The following GFRA2 variants were observed in gnomAD, a reference collection of about 807,000 sequenced individuals.
The protein encoded by GFRA2 is GDNF family receptor alpha-2.
Under a neutral mutation model 48.3 loss-of-function variants are expected in GFRA2, and 17 were observed. The observed-to-expected ratio is 0.35, with a 90% CI of 0.24 to 0.53. GFRA2 has a LOEUF of 0.53. Among genes scored for constraint, GFRA2 ranks in the 20% least tolerant of loss-of-function variants. The pLI, the probability that GFRA2 is intolerant of heterozygous loss-of-function variation, is 0.93. For synonymous variants in GFRA2, 305 were observed against 257.2 expected (o/e 1.19, Z -1.78); for missense variants, 660 against 637.3 (o/e 1.04, Z -0.38).
chr8:21,787,862 G>A (rs768248650), intron 1 of GFRA2, among the ~76,000 whole-genome samples: 29 of 152,242 alleles, frequency 1.9e-4, no homozygotes, highest in Non-Finnish European at 3.5e-4. Flanking sequence ...GTGTGTGTGC[G>A]TGCACAGTGT....
intron 4 of GFRA2, among the ~76,000 whole-genome samples, chr8:21,712,333 C>T (rs1490986987): frequency 2.1e-5 from 3 of 140,382 alleles, no homozygotes; most frequent in East Asian, 2.2e-4. Flanking sequence ...CAGACGGGGT[C>T]GCGGCCGGGC....
At chr8:21,789,153 G>A (rs1807438401), upstream of GFRA2, 5 of 167,798 alleles carry the variant, frequency 3.0e-5, no homozygotes, top group Non-Finnish European at 6.2e-5. Context: ...CGCGGGCCGA[G>A]AGGAGAGCCC....
intron 3 of GFRA2, among the ~76,000 whole-genome samples, chr8:21,754,505 C>CTTTTTTTTTTTTTTT (rs59344047): frequency 8.2e-6 from 1 of 121,226 alleles, no homozygotes; most frequent in Non-Finnish European, 1.7e-5. Context: ...CTTTTTTTTT[C>CTTTTTTTTTTTTTTT]TTTTTTTTTT....
At chr8:21,800,606 G>A (rs1422796377) in intron 2 of GFRA2, among the ~76,000 whole-genome samples, 3 of 152,192 alleles carry the variant, frequency 2.0e-5, no homozygotes, top group African/African-American at 4.8e-5. Context: ...CAGATGACTT[G>A]TGTTATGCCC....
chr8:21,698,417 C>G (rs983464567), intron 7 of GFRA2, among the ~76,000 whole-genome samples: 7 of 152,200 alleles, frequency 4.6e-5, no homozygotes, highest in African/African-American at 1.7e-4. Context: ...AGAAGGAAAT[C>G]ATTGTCTTCC....
Position 21,760,731 on chromosome 8 carries a change from C to T in GFRA2, c.440-9789G>A, listed in dbSNP as rs892253032. Among the ~76,000 whole-genome samples, 5 of 152,094 alleles carry T rather than the reference C, an allele frequency of 3.3e-5. No individual in the cohort carries two copies. In the South Asian group the frequency reaches 1.0e-3, roughly 31 times the overall value. ...TACTGGAGGAGGTTGTGGAAAGCCA[C>T]ATAACTCAGTGAGGCGCCACAGGTT... On this transcript the variant is annotated intron_variant, in intron 3 of 8. Transcript: ENST00000524240.
At chr8:21,801,219 C>T (rs895102307) in intron 2 of GFRA2, among the ~76,000 whole-genome samples, 9 of 152,070 alleles carry the variant, frequency 5.9e-5, no homozygotes, top group Non-Finnish European at 1.2e-4. Context: ...CCCCTTGGAT[C>T]AGACCCAGGA....
At chr8:21,758,189 G>A (rs887300460) in intron 3 of GFRA2, among the ~76,000 whole-genome samples, 2 of 139,488 alleles carry the variant, frequency 1.4e-5, no homozygotes, top group Non-Finnish European at 3.0e-5. Context: ...GAGCAGGGCT[G>A]CCCTTGGCCC....
chr8:21,774,754 C>T (rs1806610806), intron 3 of GFRA2, among the ~76,000 whole-genome samples: 1 of 152,212 alleles, frequency 6.6e-6, no homozygotes, highest in Non-Finnish European at 1.5e-5. Context: ...CCTGGCCAGG[C>T]AATTTCCACC....
At chr8:21,727,664 C>T (rs955257478) in intron 4 of GFRA2, among the ~76,000 whole-genome samples, 6 of 152,232 alleles carry the variant, frequency 3.9e-5, no homozygotes, top group South Asian at 4.1e-4. Context: ...GCCAAAACAG[C>T]GGGTTGGACG....
intron 3 of GFRA2, among the ~76,000 whole-genome samples, chr8:21,760,802 G>C (rs1033615956): frequency 6.6e-6 from 1 of 152,152 alleles, no homozygotes; most frequent in Non-Finnish European, 1.5e-5. Context: ...CAGAACTCTG[G>C]GTCGCCTTAT....
In GFRA2 at chr8:21,750,854, C is replaced by T. The variant is rs1479831718; in HGVS notation, c.528G>A (p.Lys176=). 8 of 1,613,792 alleles carry T rather than the reference C, an allele frequency of 5.0e-6. No individual in the cohort carries two copies. In the African/African-American group the frequency reaches 1.1e-4, roughly 22 times the overall value. The change falls in exon 4 of 9, where the codon AAG becomes AAA. Residue 176 remains lysine, a synonymous_variant. Coordinates refer to ENST00000524240, the MANE Select transcript of GFRA2 (RefSeq NM_001495.5). The surrounding 1 kb of genome is among the most constrained non-coding windows in gnomAD (Gnocchi z 5.7). Reference sequence around the variant, plus strand: ...AGATGGAGATGTAGGAGGAGCGCAGCTTCTTGCAGTTGTCATTCAGGTTGC... The same window carrying T: ...AGATGGAGATGTAGGAGGAGCGCAGTTTCTTGCAGTTGTCATTCAGGTTGC... ...KACNLNDNCK[K]LRSSYISICN...
At chr8:21,783,659 A>G (rs935242539) in intron 1 of GFRA2, among the ~76,000 whole-genome samples, 22 of 151,658 alleles carry the variant, frequency 1.5e-4, no homozygotes, top group Non-Finnish European at 2.4e-4. Flanking sequence ...TTCTAGTCCA[A>G]CTTCACACCA....
At chr8:21,774,679 G>T (rs1806607036) in intron 3 of GFRA2, among the ~76,000 whole-genome samples, 1 of 152,138 alleles carries the variant, frequency 6.6e-6, no homozygotes, top group East Asian at 1.9e-4. Flanking sequence ...CTGGAAAGAG[G>T]GAACAAGGGT....
intron 1 of GFRA2, among the ~76,000 whole-genome samples, chr8:21,786,257 G>T (rs1256522043): frequency 2.0e-5 from 3 of 152,172 alleles, no homozygotes; most frequent in Non-Finnish European, 4.4e-5. Flanking sequence ...AAGGAGAAAG[G>T]TGGACTCCTT....
chr8:21,725,933 C>A (rs1803848761), intron 4 of GFRA2, among the ~76,000 whole-genome samples: 1 of 152,240 alleles, frequency 6.6e-6, no homozygotes, highest in Admixed American at 6.5e-5. Context: ...GTCACAAGGG[C>A]AGAGCCAGAG....
chr8:21,701,127 G>A (rs1318005316), intron 7 of GFRA2, among the ~76,000 whole-genome samples: 1 of 152,240 alleles, frequency 6.6e-6, no homozygotes, highest in African/African-American at 2.4e-5. Context: ...GGGCGCGGGG[G>A]CTCACGCCTG....
chr8:21,764,557 G>A (rs564520434), intron 3 of GFRA2, among the ~76,000 whole-genome samples: 58 of 152,344 alleles, frequency 3.8e-4, no homozygotes, highest in African/African-American at 1.4e-3. Flanking sequence ...TGACCAGTCT[G>A]TCTCACCTGG....
chr8:21,784,396 A>C (rs973635372), intron 1 of GFRA2: 7 of 454,816 alleles, frequency 1.5e-5, no homozygotes, highest in Non-Finnish European at 3.1e-5. Context: ...TCAGAACATA[A>C]TAAAATCCTA....
Sources: gnomAD v4.1 joint callset for allele counts (sites outside exome capture counted in the v4.1 genomes callset) on GRCh38, gnomAD v4.1.1 for gene constraint, Gnocchi (gnomAD v3.1) non-coding constraint, MANE v1.5 for transcripts, NCBI Gene and HGNC (gene_info 2026-07-23, HGNC 2026-07-21) for gene names.